The following SMURF2 variants were observed in gnomAD, a reference collection of about 807,000 sequenced individuals.
SMURF2 encodes SMAD specific E3 ubiquitin protein ligase 2.
Under a neutral mutation model 109.6 loss-of-function variants are expected in SMURF2, and 48 were observed. The ratio of observed to expected loss-of-function variants is 0.44; its 90% confidence interval spans 0.35 to 0.56. The LOEUF is 0.56. Among genes scored for constraint, SMURF2 ranks in the 20% least tolerant of loss-of-function variants. The pLI, the probability that SMURF2 is intolerant of heterozygous loss-of-function variation, is 0.01. For synonymous variants in SMURF2, 288 were observed against 317.1 expected (o/e 0.91, Z 0.97); for missense variants, 575 against 909.0 (o/e 0.63, Z 4.72).
rs116545916 is a variant in SMURF2, at chr17:64,591,270, T to C, written c.335-121A>G. The stretch of plus-strand genomic sequence containing the variant: ...AAATCAAACCTATCATTTAAAGAGT[T>C]CAGATTTCAAAAACCAAACACTGGT... On this transcript the variant is annotated intron_variant, in intron 4 of 18. Coordinates refer to ENST00000262435, the MANE Select transcript of SMURF2 (RefSeq NM_022739.4). The C allele has an allele frequency of 8.3e-4, 598 of 717,430 alleles. 1 individual carries two copies. In the African/African-American group the frequency reaches 0.01, roughly 12 times the overall value. The allele number at this position is 717,430 out of a possible 1,614,324, so 44.4% of individuals were successfully genotyped here.
chr17:64,626,219 A>T (rs980597534), intron 1 of SMURF2, among the ~76,000 whole-genome samples: 1 of 150,004 alleles, frequency 6.7e-6, no homozygotes, highest in African/African-American at 2.4e-5. Flanking sequence ...AGATCATGCC[A>T]CTACACTCCA....
chr17:64,572,954 G>A (rs1555685698), intron 9 of SMURF2: 1 of 151,820 alleles, frequency 6.6e-6, no homozygotes, highest in Non-Finnish European at 1.5e-5. Flanking sequence ...AATTGAGACT[G>A]CGTGTAACAA....
chr17:64,606,086 T>C (rs1969966933), intron 2 of SMURF2, among the ~76,000 whole-genome samples: 1 of 151,952 alleles, frequency 6.6e-6, no homozygotes, highest in African/African-American at 2.4e-5. Context: ...TTGGTAAATA[T>C]AAGGCATATA....
chr17:64,583,162 G>T (rs536949364), intron 7 of SMURF2, among the ~76,000 whole-genome samples: 337 of 152,186 alleles, frequency 2.2e-3, no homozygotes, highest in Non-Finnish European at 4.2e-3. Flanking sequence ...AAAGTGCAGG[G>T]ATTACAGGCA....
intron 1 of SMURF2, among the ~76,000 whole-genome samples, chr17:64,638,175 C>G (rs782176808): frequency 1.1e-4 from 17 of 150,652 alleles, no homozygotes; most frequent in Non-Finnish European, 2.5e-4. Context: ...AAGTGATTCT[C>G]CTACCTCAGC....
Position 64,586,171 on chromosome 17 carries a change from C to A in SMURF2, c.401-1G>T. On this transcript the variant is annotated splice_acceptor_variant, in intron 5 of 18. Transcript: ENST00000262435. LOFTEE classifies it high-confidence loss of function. ...ATTCGGTCTCTGGACTGAAGACTTA[C>A]TATTAAATGACAGAAATATTACTAA... The A allele has an allele frequency of 6.3e-7, 1 of 1,588,610 alleles. No homozygotes were observed. The highest frequency in any genetic ancestry group is 8.6e-7 in the Non-Finnish European group (1 of 1,164,484).
intron 1 of SMURF2, among the ~76,000 whole-genome samples, chr17:64,613,709 T>TGTGTGTGA (rs1568195561): frequency 3.9e-5 from 5 of 129,640 alleles, no homozygotes; most frequent in East Asian, 2.2e-4. Flanking sequence ...TGTGTGTGTG[T>TGTGTGTGA]GTGTGTGTGT....
rs1968884787 is a variant in SMURF2 at position 64,542,307 on chromosome 17, CA to C, written c.*3540del. 6.6e-6 allele frequency: 1 copy of C among 152,188 alleles called. No individual in the cohort carries two copies. Among genetic ancestry groups the C allele is most frequent in the African/African-American group, 2.4e-5 (1 of 41,446 alleles). The allele number at this position is 152,188 out of a possible 1,614,324, so 9.4% of individuals were successfully genotyped here. ...TTCTTTAAAAACGTTGATGCTGTGA[CA>C]GTGCAAACAGCATTGATTTTATTGC... On this transcript the variant is annotated 3_prime_UTR_variant, in exon 19 of 19. Coordinates refer to ENST00000262435, the MANE Select transcript of SMURF2 (RefSeq NM_022739.4).
chr17:64,584,066 C>T (rs1969613351), intron 6 of SMURF2, among the ~76,000 whole-genome samples: 1 of 151,960 alleles, frequency 6.6e-6, no homozygotes, highest in Admixed American at 6.6e-5. Flanking sequence ...TTTTGGGAGG[C>T]TAGCATTTTG....
In SMURF2 at chr17:64,554,166, C is replaced by T. The variant is rs76331246; in HGVS notation, c.1748+690G>A. Among the ~76,000 whole-genome samples, 504 of 152,298 alleles carry T rather than the reference C, an allele frequency of 3.3e-3. 2 individuals carry two copies. The highest frequency in any genetic ancestry group is 0.011 in the African/African-American group (469 of 41,556). On this transcript the variant is annotated intron_variant, in intron 15 of 18. Transcript: ENST00000262435. ...AAAGCACAAAAGCCCTTCTGAATTG[C>T]CACCTGTGATAGCTACACCACATGT...
Position 64,545,821 on chromosome 17 carries a change from G to C in SMURF2, c.*27C>G. On this transcript the variant is annotated 3_prime_UTR_variant, in exon 19 of 19. Transcript: ENST00000262435. ...GCTGTCAGTCAGGGTTGTATAAATAGAGTCCTGGGTAAATCCTTGAAGCTT... is the reference window on the plus strand; with the variant it reads ...GCTGTCAGTCAGGGTTGTATAAATACAGTCCTGGGTAAATCCTTGAAGCTT... The C allele has an allele frequency of 7.6e-7, 1 of 1,311,892 alleles. No homozygotes were observed. The highest frequency in any genetic ancestry group is 1.1e-6 in the Non-Finnish European group (1 of 915,618). The allele number at this position is 1,311,892 out of a possible 1,614,324, so 81.3% of individuals were successfully genotyped here.
Position 64,561,569 on chromosome 17 carries a change from T to C in SMURF2, c.1247A>G (p.Lys416Arg). The change falls in exon 12 of 19, where the codon AAA becomes AGA. Residue 416 changes from lysine (K) to arginine (R), a missense_variant. Around this residue, in one of 5 missense-constraint regions of SMURF2, gnomAD observed 361 missense variants for 612.1 expected, o/e 0.59. Coordinates refer to ENST00000262435, the MANE Select transcript of SMURF2 (RefSeq NM_022739.4). The part of the protein sequence containing the change: ...SYRQVMKMRP[K>R]DLWKRLMIKF... The stretch of plus-strand genomic sequence containing the variant: ...TATCATTAATCGCTTCCAGAGATCT[T>C]TTGGTCTCATTTTCATGACCTGTCG... The C allele has an allele frequency of 6.2e-7, 1 of 1,613,520 alleles. No individual in the cohort carries two copies. Among genetic ancestry groups the C allele is most frequent in the South Asian group, 1.1e-5 (1 of 91,064 alleles).
chr17:64,566,403 A>T (rs1479523794), intron 10 of SMURF2, among the ~76,000 whole-genome samples: 1 of 151,662 alleles, frequency 6.6e-6, no homozygotes, highest in Non-Finnish European at 1.5e-5. Flanking sequence ...ATTTTTATAT[A>T]TTTTATGTAA....
At chr17:64,559,562 C>A (rs1827762122) in intron 12 of SMURF2, among the ~76,000 whole-genome samples, 2 of 151,572 alleles carry the variant, frequency 1.3e-5, no homozygotes, top group African/African-American at 4.8e-5. Context: ...CACTGCACTC[C>A]AGCCTGGCGA....
chr17:64,588,287 A>G (rs1969695476), intron 5 of SMURF2, among the ~76,000 whole-genome samples: 1 of 152,076 alleles, frequency 6.6e-6, no homozygotes, highest in Non-Finnish European at 1.5e-5. Flanking sequence ...GTTTTAAACA[A>G]GGAAAAAAGT....
intron 1 of SMURF2, among the ~76,000 whole-genome samples, chr17:64,635,424 AC>A (rs1555691997): frequency 6.6e-6 from 1 of 152,188 alleles, no homozygotes; most frequent in Non-Finnish European, 1.5e-5. Flanking sequence ...GTGCTGTACA[AC>A]CATCACCAAT....
intron 5 of SMURF2, among the ~76,000 whole-genome samples, chr17:64,590,286 C>T (rs1568186324): frequency 6.6e-6 from 1 of 151,638 alleles, no homozygotes; most frequent in East Asian, 1.9e-4. Context: ...GGATTACAGG[C>T]ACCTGCCACC....
At chr17:64,546,709 A>G (rs1235412969) in intron 17 of SMURF2, among the ~76,000 whole-genome samples, 1 of 152,240 alleles carries the variant, frequency 6.6e-6, no homozygotes, top group Non-Finnish European at 1.5e-5. Flanking sequence ...CCTGATGCAA[A>G]TTTAGATTTC....
chr17:64,553,153 C>T (rs1270813365), intron 15 of SMURF2, among the ~76,000 whole-genome samples: 1 of 152,118 alleles, frequency 6.6e-6, no homozygotes, highest in African/African-American at 2.4e-5. Context: ...ATCATCTCCA[C>T]TCCCTCATCC....
Sources: gnomAD v4.1 joint callset for allele counts (sites outside exome capture counted in the v4.1 genomes callset) on GRCh38, gnomAD v4.1.1 for gene constraint, gnomAD v4.1.1 regional missense constraint, MANE v1.5 for transcripts, NCBI Gene and HGNC (gene_info 2026-07-23, HGNC 2026-07-21) for gene names.